PI4KA: variants seen among roughly 807,000 people sequenced by gnomAD.
PI4KA encodes PI4-kinase alpha.
PI4KA carries 122 observed loss-of-function variants against 271.4 expected under a neutral mutation model. The ratio of observed to expected loss-of-function variants is 0.45; its 90% confidence interval spans 0.39 to 0.52. The LOEUF is 0.52. PI4KA is among the 20% of genes least tolerant of loss of function. The pLI, the probability that PI4KA is intolerant of heterozygous loss-of-function variation, is 0.00. For missense variants in PI4KA, 1,969 were observed against 2,769.1 expected (o/e 0.71, Z 6.48); for synonymous variants, 1,041 against 1,078.8 (o/e 0.96, Z 0.69).
chr22:20,714,069 G>A (rs1200528046), intron 47 of PI4KA, among the ~76,000 whole-genome samples: 4 of 152,220 alleles, frequency 2.6e-5, no homozygotes, highest in African/African-American at 7.2e-5. Flanking sequence ...ACCACCAGAA[G>A]CTGAGGAGGC....
intron 19 of PI4KA, among the ~76,000 whole-genome samples, chr22:20,792,654 G>A (rs779367000): frequency 3.3e-5 from 5 of 152,182 alleles, no homozygotes; most frequent in South Asian, 4.1e-4. Context: ...GGGAAGAAGC[G>A]GACCCAAGCT....
chr22:20,827,419 T>C (rs1307888380), intron 3 of PI4KA, among the ~76,000 whole-genome samples: 1 of 152,214 alleles, frequency 6.6e-6, no homozygotes, highest in African/African-American at 2.4e-5. Context: ...CTATTTTTTT[T>C]ACCAGTACCA....
At chr22:20,782,026 T>C (rs912269645) in intron 19 of PI4KA, among the ~76,000 whole-genome samples, 5 of 152,230 alleles carry the variant, frequency 3.3e-5, no homozygotes, top group Admixed American at 6.5e-5. Flanking sequence ...ATGATAAACA[T>C]ATGATATTGT....
chr22:20,842,006 A>G (rs1306202267), intron 1 of PI4KA, among the ~76,000 whole-genome samples: 1 of 152,098 alleles, frequency 6.6e-6, no homozygotes, highest in African/African-American at 2.4e-5. Flanking sequence ...ACCTGAGGTT[A>G]GGAGTTCAAG....
At chr22:20,781,434 C>A (rs928692123) in intron 19 of PI4KA, among the ~76,000 whole-genome samples, 4 of 152,232 alleles carry the variant, frequency 2.6e-5, no homozygotes, top group African/African-American at 9.6e-5. Context: ...TGCTAGTTAG[C>A]TCCCGTGGTT....
intron 1 of PI4KA, among the ~76,000 whole-genome samples, chr22:20,842,152 C>T (rs1190913293): frequency 1.3e-5 from 2 of 151,996 alleles, no homozygotes; most frequent in Non-Finnish European, 2.9e-5. Context: ...TGCTTGAACC[C>T]GGGAGGCAGA....
At chr22:20,776,205 C>T (rs947104859) in intron 19 of PI4KA, among the ~76,000 whole-genome samples, 5 of 152,102 alleles carry the variant, frequency 3.3e-5, no homozygotes, top group African/African-American at 1.2e-4. Flanking sequence ...CACCTGTGGT[C>T]CCAGCTACTT....
intron 22 of PI4KA, among the ~76,000 whole-genome samples, chr22:20,764,392 A>G (rs543438125): frequency 2.2e-4 from 34 of 152,342 alleles, no homozygotes; most frequent in African/African-American, 7.9e-4. Flanking sequence ...ATCGGGCCAC[A>G]TGCAGGACTG....
intron 9 of PI4KA, among the ~76,000 whole-genome samples, chr22:20,808,163 GA>G (rs1187636368): frequency 1.3e-5 from 2 of 151,944 alleles, no homozygotes; most frequent in Non-Finnish European, 2.9e-5. Context: ...GGTGGTACAT[GA>G]CTGTAATCCC....
At chr22:20,747,411 C>G in intron 29 of PI4KA, 172 bp downstream of exon 29, 2 of 539,124 alleles carry the variant, frequency 3.7e-6, no homozygotes, top group Non-Finnish European at 6.2e-6. Context: ...ATGGCCACCT[C>G]TTCTTTGGGC....
At position 20,852,156 on chromosome 22, in the gene PI4KA, A is replaced by T. The variant is rs557132468; in HGVS notation, c.156+6414T>A. Among the ~76,000 whole-genome samples, 4 of 152,272 alleles carry T rather than the reference A, an allele frequency of 2.6e-5. No individual in the cohort carries two copies. In the East Asian group the frequency reaches 5.8e-4, roughly 22 times the overall value. On this transcript the variant is annotated intron_variant, in intron 1 of 54. Coordinates refer to ENST00000255882, the MANE Select transcript of PI4KA (RefSeq NM_058004.4). Reference sequence around the variant, plus strand: ...AAATAAATAAATAAACAAATAAGCAATCAGGAAGATAAAATGCATAAATTT... The same window carrying T: ...AAATAAATAAATAAACAAATAAGCATTCAGGAAGATAAAATGCATAAATTT...
chr22:20,745,570 T>C (rs1929957911), intron 29 of PI4KA, among the ~76,000 whole-genome samples: 1 of 151,996 alleles, frequency 6.6e-6, no homozygotes, highest in Non-Finnish European at 1.5e-5. Context: ...AGAACAAAAA[T>C]ACATGATTTC....
intron 42 of PI4KA, 151 bp downstream of exon 42, chr22:20,726,337 G>T: frequency 1.8e-6 from 1 of 569,214 alleles, no homozygotes; most frequent in Non-Finnish European, 3.0e-6. Context: ...CAATCACAGG[G>T]CCTGGGGTAG....
intron 24 of PI4KA, 23 bp from the exon 25 acceptor site, chr22:20,753,050 T>C: frequency 6.2e-7 from 1 of 1,614,230 alleles, no homozygotes; most frequent in Non-Finnish European, 8.5e-7. Flanking sequence ...AAGAAACAGG[T>C]ACCGCAGTGC....
chr22:20,771,712 G>A (rs1462299592), intron 19 of PI4KA, among the ~76,000 whole-genome samples: 1 of 151,884 alleles, frequency 6.6e-6, no homozygotes, highest in South Asian at 2.1e-4. Context: ...CTCCCGAGTA[G>A]CTGGGACTAC....
At chr22:20,790,732 AC>A (rs2064491935) in intron 19 of PI4KA, among the ~76,000 whole-genome samples, 2 of 151,350 alleles carry the variant, frequency 1.3e-5, no homozygotes, top group African/African-American at 2.4e-5. Flanking sequence ...ACACACACAC[AC>A]ACACACACAA....
At chr22:20,833,057 G>A (rs1924395300) in intron 3 of PI4KA, among the ~76,000 whole-genome samples, 2 of 152,154 alleles carry the variant, frequency 1.3e-5, no homozygotes, top group Admixed American at 1.3e-4. Flanking sequence ...CCTTTGGATG[G>A]ATTTTTTTGG....
Position 20,723,756 on chromosome 22 carries a change from G to A in PI4KA, c.4996-2338C>T, listed in dbSNP as rs572865565. 7.9e-5 allele frequency among the ~76,000 whole-genome samples: 12 copies of A among 152,100 alleles called. No homozygotes were observed. The South Asian group carries it at 2.3e-3, about 29-fold the overall frequency. On this transcript the variant is annotated intron_variant, in intron 42 of 54. Coordinates refer to ENST00000255882, the MANE Select transcript of PI4KA (RefSeq NM_058004.4). ...TGGGGCAGGAAAATCACTTGAACCT[G>A]GGAGGTGGAGGTTGCAGTGAGCCGT...
chr22:20,838,683 G>T lies in PI4KA; in HGVS notation c.205C>A (p.Gln69Lys). 6.2e-7 allele frequency: 1 copy of T among 1,613,572 alleles called. No homozygotes were observed. The highest frequency in any genetic ancestry group is 8.5e-7 in the Non-Finnish European group (1 of 1,179,558). ...MCPVDFHGIFQLDERRRDAVI... is the reference protein window; with the variant it reads ...MCPVDFHGIFKLDERRRDAVI... ...GCATCTCTCCGTCTTTCATCTAACT[G>T]GAAGATCCCATGGAAATCCACTGGA... Residue 69 changes from glutamine to lysine, a missense_variant, in exon 2 of 55, where the codon CAG becomes AAG. Gln to Lys is a moderately conservative substitution (Grantham distance 53). Around this residue, in one of 13 missense-constraint regions of PI4KA, gnomAD observed 540 missense variants for 555.5 expected, o/e 0.97. Coordinates refer to ENST00000255882, the MANE Select transcript of PI4KA (RefSeq NM_058004.4).
Sources: gnomAD v4.1 joint callset for allele counts (sites outside exome capture counted in the v4.1 genomes callset) on GRCh38, gnomAD v4.1.1 for gene constraint, gnomAD v4.1.1 regional missense constraint, MANE v1.5 for transcripts, NCBI Gene and HGNC (gene_info 2026-07-23, HGNC 2026-07-21) for gene names.